The following EDN3 variants were observed in gnomAD, a reference collection of about 807,000 sequenced individuals.
EDN3 encodes the protein endothelin-3.
In EDN3, 9 loss-of-function variants were observed where a neutral mutation model predicts 21.4. The observed-to-expected ratio is 0.42, with a 90% CI of 0.25 to 0.73. The LOEUF is 0.73. EDN3 is among the 30% of genes least tolerant of loss of function. The pLI is 0.26. For missense variants in EDN3, 327 were observed against 309.4 expected (o/e 1.06, Z -0.43); for synonymous variants, 133 against 126.2 (o/e 1.05, Z -0.36).
Position 59,301,733 on chromosome 20 carries a change from C to G in EDN3, c.365+11C>G. 1 of 1,614,052 alleles carries G rather than the reference C, an allele frequency of 6.2e-7. No individual in the cohort carries two copies. Among genetic ancestry groups the G allele is most frequent in the Non-Finnish European group, 8.5e-7 (1 of 1,179,894 alleles). ...GATCAACACTCCCGAGTAAGTCAGC[C>G]TTTTGTGGTGAGGAACGTGGCTCCC... On this transcript the variant is annotated intron_variant, in intron 2 of 4. Coordinates refer to ENST00000337938, the MANE Select transcript of EDN3 (RefSeq NM_207034.3).
intron 2 of EDN3, among the ~76,000 whole-genome samples, chr20:59,306,339 A>ACTATCT (rs1284162876): frequency 3.3e-5 from 5 of 152,160 alleles, no homozygotes; most frequent in Admixed American, 6.5e-5. Context: ...GCTGCCCTTG[A>ACTATCT]GTCCTGGCCA....
intron 2 of EDN3, among the ~76,000 whole-genome samples, chr20:59,306,376 G>A (rs879305788): frequency 1.3e-5 from 2 of 152,106 alleles, no homozygotes; most frequent in African/African-American, 4.8e-5. Flanking sequence ...CTTGAGCCAG[G>A]AGGTGCTGTT....
rs1385413565 is a variant in EDN3, at chr20:59,325,238, C to T, written c.*779C>T. 1 of 152,468 alleles carries T rather than the reference C, an allele frequency of 6.6e-6. No homozygotes were observed. Among genetic ancestry groups the T allele is most frequent in the Non-Finnish European group, 1.5e-5 (1 of 68,078 alleles). 9.4% of individuals were successfully genotyped at this position (152,468 alleles called of 1,614,324 possible). ...GCCGACTGTAAAGACAGCCCCAGCT[C>T]AAGGCTATTAGGTTGAATATTTGCT... is the stretch of plus-strand genomic sequence containing the variant. On this transcript the variant is annotated 3_prime_UTR_variant, in exon 5 of 5. Transcript: ENST00000337938.
chr20:59,322,750 A>G lies in EDN3; in HGVS notation c.588+333A>G, dbSNP rs1990627678. Among the ~76,000 whole-genome samples, 1 of 152,252 alleles carries G rather than the reference A, an allele frequency of 6.6e-6. No individual in the cohort carries two copies. Among genetic ancestry groups the G allele is most frequent in the South Asian group, 2.1e-4 (1 of 4,822 alleles). On this transcript the variant is annotated intron_variant, in intron 4 of 4. Coordinates refer to ENST00000337938, the MANE Select transcript of EDN3 (RefSeq NM_207034.3). The surrounding 1 kb of genome is among the most constrained non-coding windows in gnomAD (Gnocchi z 4.1). The stretch of plus-strand genomic sequence containing the variant: ...CTGGCCTGGACAAAGCTAGTCAACC[A>G]CCGCTCTCAGAGGCCCTGTAGGCTG...
Position 59,300,732 on chromosome 20 carries a change from G to A in EDN3, c.-81G>A. 6.7e-7 allele frequency: 1 copy of A among 1,487,176 alleles called. No individual in the cohort carries two copies. Among genetic ancestry groups the A allele is most frequent in the Non-Finnish European group, 9.2e-7 (1 of 1,092,038 alleles). The allele number at this position is 1,487,176 out of a possible 1,614,324, so 92.1% of individuals were successfully genotyped here. ...CCCCCACAGCTGGAGGGCGAGGCCAGCTGTACCCGGCCCCAGTGCCCTTTC... is the reference window on the plus strand; with the variant it reads ...CCCCCACAGCTGGAGGGCGAGGCCAACTGTACCCGGCCCCAGTGCCCTTTC... On this transcript the variant is annotated 5_prime_UTR_variant, in exon 1 of 5. Transcript: ENST00000337938.
chr20:59,300,630 G>T lies in EDN3; in HGVS notation c.-183G>T. ...AGCTCCGCGCAGGGATGGGCAGCGC[G>T]CTCTGAAAGTTTATGACCGCCGCAG... On this transcript the variant is annotated 5_prime_UTR_variant, in exon 1 of 5. Transcript: ENST00000337938. 1.6e-6 allele frequency: 1 copy of T among 624,256 alleles called. No homozygotes were observed. The highest frequency in any genetic ancestry group is 2.8e-6 in the Non-Finnish European group (1 of 359,590). The allele number at this position is 624,256 out of a possible 1,614,324, so 38.7% of individuals were successfully genotyped here.
Position 59,305,976 on chromosome 20 carries a change from G to A in EDN3, c.365+4254G>A, listed in dbSNP as rs944451258. Among the ~76,000 whole-genome samples, 9 of 152,160 alleles carry A rather than the reference G, an allele frequency of 5.9e-5. No individual in the cohort carries two copies. The highest frequency in any genetic ancestry group is 4.1e-4 in the South Asian group (2 of 4,836). On this transcript the variant is annotated intron_variant, in intron 2 of 4. Transcript: ENST00000337938. The surrounding 1 kb of genome is among the most constrained non-coding windows in gnomAD (Gnocchi z 4.2). ...TGACCCATAACGGGGATGTCAGCTC[G>A]AACCACATTTCATGGCGGACCAGCC... is the stretch of plus-strand genomic sequence containing the variant.
At chr20:59,307,457 A>G (rs2146834723) in intron 2 of EDN3, among the ~76,000 whole-genome samples, 1 of 152,346 alleles carries the variant, frequency 6.6e-6, no homozygotes, top group East Asian at 1.9e-4. Flanking sequence ...CTGGGCTGCC[A>G]GCCCAGAAGT....
rs1456897018 is a variant in EDN3, at chr20:59,325,024, C to T, written c.*565C>T. The T allele has an allele frequency of 1.3e-5, 2 of 159,922 alleles. No homozygotes were observed. The highest frequency in any genetic ancestry group is 4.8e-5 in the African/African-American group (2 of 41,484). 9.9% of individuals were successfully genotyped at this position (159,922 alleles called of 1,614,324 possible). A position where few individuals can be genotyped will look rare whatever the true frequency, so the allele number is the denominator to read the frequency against. On this transcript the variant is annotated 3_prime_UTR_variant, in exon 5 of 5. Transcript: ENST00000337938. ...GAGAAATTTTCAGCTGTGCTTGATA[C>T]CCACCAAAAGAATGTATCTCGAAAG...
At position 59,321,135 on chromosome 20, in the gene EDN3, G is replaced by C. The variant is rs758974269; in HGVS notation, c.484G>C (p.Val162Leu). 7.4e-6 allele frequency: 12 copies of C among 1,614,260 alleles called. No individual in the cohort carries two copies. The highest frequency in any genetic ancestry group is 1.0e-5 in the Non-Finnish European group (12 of 1,180,052). ...TCGGCCACACTTGCGCTGCGCTTGT[G>C]TGGGGAGATATGACAAGGCCTGCCT... ...SHRPHLRCAC[V>L]GRYDKACLHF... is the part of the protein sequence containing the mutation. The change falls in exon 3 of 5, where the codon GTG becomes CTG. Residue 162 changes from valine (V) to leucine (L), a missense_variant. Transcript: ENST00000337938.
intron 4 of EDN3, among the ~76,000 whole-genome samples, chr20:59,323,984 G>A (rs868256187): frequency 1.8e-4 from 28 of 152,332 alleles, no homozygotes; most frequent in African/African-American, 6.7e-4. Flanking sequence ...TTAAGCCAAT[G>A]TTCTTGCTTT....
chr20:59,319,726 C>CAAAAAAAAAAAAAAAAAAAAAAA (rs528500611), intron 2 of EDN3, among the ~76,000 whole-genome samples: 2 of 52,404 alleles, frequency 3.8e-5, no homozygotes, highest in African/African-American at 5.8e-5. Context: ...GACTCTGTCT[C>CAAAAAAAAAAAAAAAAAAAAAAA]AAAAAAAAAA....
rs1243901492 is a variant in EDN3 at position 59,325,288 on chromosome 20, G to C, written c.*829G>C. The C allele has an allele frequency of 6.6e-6, 1 of 152,574 alleles. No individual in the cohort carries two copies. The highest frequency in any genetic ancestry group is 1.5e-5 in the Non-Finnish European group (1 of 68,044). The allele number at this position is 152,574 out of a possible 1,614,324, so 9.5% of individuals were successfully genotyped here. On this transcript the variant is annotated 3_prime_UTR_variant, in exon 5 of 5. Transcript: ENST00000337938. The stretch of plus-strand genomic sequence containing the variant: ...TTTCATGAGTAAATGTGGATCTTTG[G>C]GGAATGGCTTCAAAATAAGTCACGA...
At chr20:59,313,430 G>C (rs956706629) in intron 2 of EDN3, among the ~76,000 whole-genome samples, 8 of 152,064 alleles carry the variant, frequency 5.3e-5, no homozygotes, top group Non-Finnish European at 1.0e-4. Context: ...GATTGGTAGG[G>C]GATAATGCTC....
chr20:59,325,799 G>A lies in EDN3; in HGVS notation c.*1340G>A, dbSNP rs1054364341. 2.0e-5 allele frequency: 3 copies of A among 152,166 alleles called. No homozygotes were observed. Among genetic ancestry groups the A allele is most frequent in the South Asian group, 4.1e-4 (2 of 4,826 alleles). The allele number at this position is 152,166 out of a possible 1,614,324, so 9.4% of individuals were successfully genotyped here. A position where few individuals can be genotyped will look rare whatever the true frequency, so the allele number is the denominator to read the frequency against. On this transcript the variant is annotated 3_prime_UTR_variant, in exon 5 of 5. Coordinates refer to ENST00000337938, the MANE Select transcript of EDN3 (RefSeq NM_207034.3). The stretch of plus-strand genomic sequence containing the variant: ...AGTCACTGTATATACGTATAGAGAG[G>A]TAGATAGGTAGGTAGATTTTAAATT...
chr20:59,315,925 G>A lies in EDN3; in HGVS notation c.366-5092G>A, dbSNP rs553467291. On this transcript the variant is annotated intron_variant, in intron 2 of 4. Transcript: ENST00000337938. ...TTTAACAAAAAACACTATGGTTCAC[G>A]CCTGTAATCCCAGCACTTTGGGAGG... Among the ~76,000 whole-genome samples the A allele has an allele frequency of 3.9e-5, 6 of 152,268 alleles. No homozygotes were observed. In the East Asian group the frequency reaches 5.8e-4, roughly 15 times the overall value.
intron 2 of EDN3, among the ~76,000 whole-genome samples, chr20:59,319,323 A>G (rs882345): frequency 0.16 from 24,294 of 152,180 alleles, 2,083 homozygotes; most frequent in Non-Finnish European, 0.19. Context: ...TTAGGTCACT[A>G]TGGGGCTTCC....
intron 3 of EDN3, among the ~76,000 whole-genome samples, chr20:59,321,824 AC>A (rs1253835159): frequency 6.6e-6 from 1 of 152,186 alleles, no homozygotes; most frequent in Non-Finnish European, 1.5e-5. Flanking sequence ...CTTGCAAATC[AC>A]GTTGAATGGA....
intron 2 of EDN3, among the ~76,000 whole-genome samples, chr20:59,310,014 G>C (rs1568832886): frequency 6.6e-6 from 1 of 152,214 alleles, no homozygotes; most frequent in Non-Finnish European, 1.5e-5. Flanking sequence ...TGTGCTAGAT[G>C]AAAGGGCCAT....
Sources: gnomAD v4.1 joint callset for allele counts (sites outside exome capture counted in the v4.1 genomes callset) on GRCh38, gnomAD v4.1.1 for gene constraint, Gnocchi (gnomAD v3.1) non-coding constraint, MANE v1.5 for transcripts, NCBI Gene and HGNC (gene_info 2026-07-23, HGNC 2026-07-21) for gene names.